The following TRPM1 variants were observed in gnomAD, a reference collection of about 807,000 sequenced individuals.
The protein encoded by TRPM1 is transient receptor potential cation channel subfamily M member 1, also known as TRPM1-203 APA Isoform, Intron 10.
A neutral mutation model predicts 149.4 loss-of-function variants in TRPM1; 113 were observed. The ratio of observed to expected loss-of-function variants is 0.76; its 90% CI spans 0.65 to 0.88. The LOEUF (loss-of-function observed/expected upper bound fraction) is 0.88, where lower values mean the gene tolerates loss of function less well. Among genes scored for constraint, TRPM1 ranks in the 40% least tolerant of loss-of-function variants. The pLI is 0.00. For missense variants in TRPM1, 1,976 were observed against 2,038.7 expected, an observed-to-expected ratio of 0.97 and a Z score of 0.59; for synonymous variants, 741 against 759.5, an observed-to-expected ratio of 0.98 and a Z score of 0.40.
chr15:31,107,548 G>A (rs1316901835), intron 1 of TRPM1, among the ~76,000 whole-genome samples: 22 of 151,770 alleles, frequency 1.4e-4, no homozygotes, highest in Admixed American at 1.2e-3. Flanking sequence ...GTTTTTCTAC[G>A]CTTTATTTTA....
At chr15:31,035,799 TGAGAG>T in intron 20 of TRPM1, 125 bp from the exon 21 acceptor site, 1 of 1,410,750 alleles carries the variant, frequency 7.1e-7, no homozygotes, top group East Asian at 2.3e-5. Flanking sequence ...ACTGACTCAT[TGAGAG>T]GAAACCTTCA....
At chr15:31,139,932 T>C (rs556566495) in intron 1 of TRPM1, among the ~76,000 whole-genome samples, 1 of 152,348 alleles carries the variant, frequency 6.6e-6, no homozygotes, top group East Asian at 1.9e-4. Context: ...CTTAAAGTCA[T>C]GTTATGATTA....
At chr15:31,107,186 G>C (rs184194901) in intron 1 of TRPM1, among the ~76,000 whole-genome samples, 2 of 152,168 alleles carry the variant, frequency 1.3e-5, no homozygotes, top group Non-Finnish European at 2.9e-5. Context: ...ATCTGGGCCT[G>C]TGGTTTTCTT....
chr15:31,149,772 G>A (rs2036274015), intron 1 of TRPM1, among the ~76,000 whole-genome samples: 1 of 152,136 alleles, frequency 6.6e-6, no homozygotes, highest in Non-Finnish European at 1.5e-5. Context: ...GCCCGCCTTG[G>A]CCTCCCAAAG....
Position 31,070,022 on chromosome 15 carries a change from C to T in TRPM1, c.279+9G>A, listed in dbSNP as rs781228384. ...TCCTAGTGGCACCATGTCTGAATGC[C>T]TTTCTCACCATGGCTTTATTGGAAT... On this transcript the variant is annotated intron_variant, in intron 4 of 27. Coordinates refer to ENST00000256552, the MANE Select transcript of TRPM1 (RefSeq NM_001252024.2). 6.2e-7 allele frequency: 1 copy of T among 1,614,188 alleles called. No homozygotes were observed. Among genetic ancestry groups the T allele is most frequent in the East Asian group, 2.2e-5 (1 of 44,886 alleles).
chr15:31,088,478 G>A (rs1258918995), intron 1 of TRPM1, among the ~76,000 whole-genome samples: 2 of 152,222 alleles, frequency 1.3e-5, no homozygotes, highest in African/African-American at 2.4e-5. Flanking sequence ...CCTGAAGTCA[G>A]CAAGCCCACG....
chr15:31,146,722 C>T (rs2036228761), intron 1 of TRPM1, among the ~76,000 whole-genome samples: 1 of 152,200 alleles, frequency 6.6e-6, no homozygotes, highest in Middle Eastern at 3.2e-3. Context: ...TGCGGTGGCT[C>T]ACGCCTGTAT....
chr15:31,110,014 C>T (rs1300848998), intron 1 of TRPM1, among the ~76,000 whole-genome samples: 4 of 152,168 alleles, frequency 2.6e-5, no homozygotes, highest in African/African-American at 9.7e-5. Flanking sequence ...CAAAAACCTT[C>T]CTTTTCAAAG....
intron 22 of TRPM1, among the ~76,000 whole-genome samples, chr15:31,031,699 T>A (rs1455334612): frequency 6.6e-6 from 1 of 152,192 alleles, no homozygotes; most frequent in African/African-American, 2.4e-5. Context: ...TTCCCTTAGC[T>A]CAAAACCACT....
chr15:31,146,987 C>CAAA (rs111397647), intron 1 of TRPM1, among the ~76,000 whole-genome samples: 63 of 136,818 alleles, frequency 4.6e-4, no homozygotes, highest in Middle Eastern at 3.9e-3. Flanking sequence ...AATTCTGTCT[C>CAAA]AAAAAAAAAA....
chr15:31,142,241 G>C (rs1327104631), intron 1 of TRPM1, among the ~76,000 whole-genome samples: 1 of 151,994 alleles, frequency 6.6e-6, no homozygotes, highest in South Asian at 2.1e-4. Context: ...TTTTACAATG[G>C]GGAAGACATT....
intron 27 of TRPM1, among the ~76,000 whole-genome samples, chr15:31,015,411 TA>T (rs555343032): frequency 2.1e-3 from 285 of 135,132 alleles, no homozygotes; most frequent in Non-Finnish European, 2.5e-3. Context: ...GACTCCGTCT[TA>T]AAAAAAAAAA....
chr15:31,080,512 C>T (rs1299945776), intron 2 of TRPM1, among the ~76,000 whole-genome samples: 6 of 152,164 alleles, frequency 3.9e-5, no homozygotes, highest in African/African-American at 1.2e-4. Flanking sequence ...AATAACCCAC[C>T]TGCGTTCCTC....
chr15:31,062,279 G>T (rs2034254349), intron 9 of TRPM1, among the ~76,000 whole-genome samples: 1 of 152,212 alleles, frequency 6.6e-6, no homozygotes. Flanking sequence ...TGACAGGGTG[G>T]TATGTGGCCC....
At chr15:31,042,430 C>G in intron 16 of TRPM1, 187 bp from the exon 17 acceptor site, 1 of 666,648 alleles carries the variant, frequency 1.5e-6, no homozygotes, top group South Asian at 2.0e-5. Flanking sequence ...GATAAGTAAA[C>G]TATCTAAAAC....
chr15:31,037,692 G>A lies in TRPM1; in HGVS notation c.2571+19C>T. ...ATTCAAAATATACTGAATGTCAAAT[G>A]TTCAGGAGGAGGCCTCACTGTGTAA... On this transcript the variant is annotated intron_variant, in intron 20 of 27. Coordinates refer to ENST00000256552, the MANE Select transcript of TRPM1 (RefSeq NM_001252024.2). 2 of 1,614,184 alleles carry A rather than the reference G, an allele frequency of 1.2e-6. No homozygotes were observed. The highest frequency in any genetic ancestry group is 1.3e-5 in the African/African-American group (1 of 75,036).
intron 1 of TRPM1, among the ~76,000 whole-genome samples, chr15:31,092,596 T>A (rs183758376): frequency 1.0e-3 from 152 of 152,310 alleles, no homozygotes; most frequent in African/African-American, 3.6e-3. Context: ...GATTTCTCGT[T>A]GTCTCAGGAA....
intron 1 of TRPM1, among the ~76,000 whole-genome samples, chr15:31,138,445 A>G (rs1382859498): frequency 6.6e-6 from 1 of 152,198 alleles, no homozygotes; most frequent in African/African-American, 2.4e-5. Flanking sequence ...TTCAATTGTG[A>G]GGGATATCAA....
At chr15:31,036,012 C>T (rs2033351685) in intron 20 of TRPM1, 1 of 371,050 alleles carries the variant, frequency 2.7e-6, no homozygotes. Flanking sequence ...GTGTCTTCTA[C>T]ATTCCTGGAA....
Sources: allele counts gnomAD v4.1 joint callset (sites outside exome capture counted in the v4.1 genomes callset), GRCh38; gene constraint gnomAD v4.1.1; transcripts MANE v1.5; gene names NCBI Gene and HGNC (gene_info 2026-07-23, HGNC 2026-07-21).